Variants in TUSC3 observed in about 807,000 individuals in gnomAD.
TUSC3 encodes the protein dolichyl-diphosphooligosaccharide--protein glycosyltransferase subunit TUSC3.
TUSC3 carries 45 observed loss-of-function variants against 44.8 expected under a neutral mutation model. The observed-to-expected ratio is 1.00, with a 90% CI of 0.79 to 1.29. TUSC3 has a LOEUF of 1.29. Among genes scored for constraint, TUSC3 ranks in the 50% most tolerant of loss-of-function variants. TUSC3 has a pLI of 0.00. For missense variants in TUSC3, 519 were observed against 437.9 expected, an observed-to-expected ratio of 1.19 and a Z score of -1.65; for synonymous variants, 212 against 152.9, an observed-to-expected ratio of 1.39 and a Z score of -2.85.
At chr8:15,743,676 G>A (rs1038954431) in intron 8 of TUSC3, 64 bp downstream of exon 8, 2 of 1,535,766 alleles carry the variant, frequency 1.3e-6, no homozygotes, top group Middle Eastern at 1.7e-4. Flanking sequence ...TAAGTCAAAT[G>A]GGAAATACAT....
intron 9 of TUSC3, 69 bp downstream of exon 9, chr8:15,748,534 T>A (rs750035420): frequency 7.8e-5 from 104 of 1,332,006 alleles, no homozygotes; most frequent in Non-Finnish European, 1.1e-4. Flanking sequence ...GTGGTTAATA[T>A]ATAATTAAGG....
At chr8:15,434,975 G>C (rs1352531120) in intron 1 of TUSC3, among the ~76,000 whole-genome samples, 1 of 149,056 alleles carries the variant, frequency 6.7e-6, no homozygotes, top group African/African-American at 2.6e-5. Context: ...TTGCTGTTGT[G>C]AATAGTGCCG....
rs1436863742 is a variant in TUSC3 at position 15,580,780 on chromosome 8, C to T, written c.138+40212C>T. ...TTCCTTCATTTCAACTTTGGTGAATCTGACAATTATGTGTCTTGGAGTTGC... is the reference window on the plus strand; with the variant it reads ...TTCCTTCATTTCAACTTTGGTGAATTTGACAATTATGTGTCTTGGAGTTGC... On this transcript the variant is annotated intron_variant, in intron 1 of 10. Coordinates refer to ENST00000503731, the MANE Select transcript of TUSC3 (RefSeq NM_006765.4). Among the ~76,000 whole-genome samples the T allele has an allele frequency of 4.0e-5, 5 of 124,494 alleles. 1 individual carries two copies. The South Asian group carries it at 1.1e-3, about 27-fold the overall frequency. 81.7% of individuals were successfully genotyped at this position (124,494 alleles called of 152,430 possible).
the TUSC3 span, among the ~76,000 whole-genome samples, chr8:15,773,160 ACAAC>A: frequency 1.3e-5 from 2 of 152,196 alleles, no homozygotes; most frequent in South Asian, 4.1e-4. Context: ...ACACAAAAAG[ACAAC>A]CAAATTGGAA....
intron 2 of TUSC3, among the ~76,000 whole-genome samples, chr8:15,633,817 A>G (rs1031683548): frequency 4.1e-4 from 62 of 152,292 alleles, no homozygotes; most frequent in African/African-American, 1.5e-3. Flanking sequence ...CTCCAGAACT[A>G]TGAGGTTTTT....
chr8:15,536,181 T>C (rs1801519258), upstream of TUSC3, among the ~76,000 whole-genome samples: 1 of 152,026 alleles, frequency 6.6e-6, no homozygotes, highest in Non-Finnish European at 1.5e-5. Flanking sequence ...GCACGGCATA[T>C]TTGGGAAAGC....
intron 1 of TUSC3, among the ~76,000 whole-genome samples, chr8:15,602,501 G>C (rs1396542081): frequency 2.0e-5 from 3 of 151,486 alleles, no homozygotes; most frequent in Non-Finnish European, 4.4e-5. Context: ...ATTTCTCTTG[G>C]TGGAAGGAGG....
At chr8:15,432,145 C>T (rs1006222711) in intron 1 of TUSC3, among the ~76,000 whole-genome samples, 4 of 151,856 alleles carry the variant, frequency 2.6e-5, no homozygotes, top group African/African-American at 9.7e-5. Flanking sequence ...TGGAAGTGTT[C>T]CTCCTCCTCA....
chr8:15,452,907 T>C (rs1231658674), intron 1 of TUSC3, among the ~76,000 whole-genome samples: 1 of 152,146 alleles, frequency 6.6e-6, no homozygotes, highest in Non-Finnish European at 1.5e-5. Context: ...TTAATACATC[T>C]GCCTTTCTTT....
chr8:15,748,515 A>G, intron 9 of TUSC3, 50 bp downstream of exon 9: 1 of 1,409,254 alleles, frequency 7.1e-7, no homozygotes, highest in Non-Finnish European at 1.0e-6. Context: ...CTAATAGAAC[A>G]GAGTTTCAGT....
In TUSC3 at chr8:15,720,201, T is replaced by TACACACACACACACAC. The variant is rs60082069; in HGVS notation, c.799-10447_799-10432dup. ...TTGTTAAATATAGTGTATATATATA[T>TACACACACACACACAC]ACACACACACACACACACACACACA... On this transcript the variant is annotated intron_variant, in intron 6 of 10. Coordinates refer to ENST00000503731, the MANE Select transcript of TUSC3 (RefSeq NM_006765.4). Among the ~76,000 whole-genome samples, 649 of 141,552 alleles carry TACACACACACACACAC rather than the reference T, an allele frequency of 4.6e-3. 2 individuals are homozygous for TACACACACACACACAC. The highest frequency in any genetic ancestry group is 8.1e-3 in the Admixed American group (114 of 14,058). 92.9% of individuals were successfully genotyped at this position (141,552 alleles called of 152,430 possible). A position where few individuals can be genotyped will look rare whatever the true frequency, so the allele number is the denominator to read the frequency against.
At chr8:15,733,108 T>A (rs184590912) in intron 7 of TUSC3, among the ~76,000 whole-genome samples, 293 of 152,250 alleles carry the variant, frequency 1.9e-3, no homozygotes, top group Middle Eastern at 0.014. Flanking sequence ...GGTAAGAGAT[T>A]AATGCTTTCT....
At chr8:15,802,240 AT>A in the TUSC3 span, among the ~76,000 whole-genome samples, 1 of 152,180 alleles carries the variant, frequency 6.6e-6, no homozygotes, top group Non-Finnish European at 1.5e-5. Context: ...CACCCACATT[AT>A]GGGCATGAAG....
intron 2 of TUSC3, among the ~76,000 whole-genome samples, chr8:15,504,220 A>G (rs1039208121): frequency 1.3e-5 from 2 of 152,008 alleles, no homozygotes; most frequent in Non-Finnish European, 2.9e-5. Context: ...CCAGCTGAGT[A>G]ATTTTGAGAG....
the TUSC3 span, among the ~76,000 whole-genome samples, chr8:15,831,012 C>T: frequency 2.0e-5 from 3 of 152,194 alleles, no homozygotes; most frequent in East Asian, 1.9e-4. Flanking sequence ...CCGCTGCTAT[C>T]GTACTATGAA....
chr8:15,788,436 A>G, the TUSC3 span, among the ~76,000 whole-genome samples: 1 of 151,588 alleles, frequency 6.6e-6, no homozygotes, highest in Non-Finnish European at 1.5e-5. Context: ...GATCGCAGCT[A>G]CTTGGGAGGC....
At chr8:15,843,621 T>TATATATATATATACAC in the TUSC3 span, among the ~76,000 whole-genome samples, 372 of 146,728 alleles carry the variant, frequency 2.5e-3, 8 homozygotes, top group African/African-American at 9.4e-3. Flanking sequence ...TATATATATA[T>TATATATATATATACAC]ACACGCACAT....
intron 1 of TUSC3, among the ~76,000 whole-genome samples, chr8:15,613,261 G>T (rs141460477): frequency 1.4e-3 from 215 of 151,382 alleles, no homozygotes; most frequent in African/African-American, 5.0e-3. Flanking sequence ...ATTTAGCACA[G>T]TGCTTTTCTT....
intron 6 of TUSC3, among the ~76,000 whole-genome samples, chr8:15,724,558 TATC>T (rs1254367944): frequency 6.6e-6 from 1 of 152,204 alleles, no homozygotes; most frequent in Non-Finnish European, 1.5e-5. Flanking sequence ...GACAGTAAAT[TATC>T]ATGTTTTCTT....
Sources: allele counts gnomAD v4.1 joint callset (sites outside exome capture counted in the v4.1 genomes callset), GRCh38; gene constraint gnomAD v4.1.1; transcripts MANE v1.5; gene names NCBI Gene and HGNC (gene_info 2026-07-23, HGNC 2026-07-21).